Variants in VIT observed in about 807,000 individuals in gnomAD.
The protein encoded by VIT is vitrin.
A neutral mutation model predicts 78.0 loss-of-function variants in VIT; 99 were observed. The observed-to-expected ratio is 1.27, with a 90% confidence interval of 1.08 to 1.50. The LOEUF (loss-of-function observed/expected upper bound fraction) is 1.50, where lower values mean the gene tolerates loss of function less well. VIT is among the 40% of genes most tolerant of loss of function. VIT has a pLI of 0.00. For missense variants in VIT, 1,126 were observed against 875.3 expected (o/e 1.29, Z -3.61); for synonymous variants, 374 against 334.3 (o/e 1.12, Z -1.29).
chr2:36,795,110 G>A (rs1490457368), intron 12 of VIT, among the ~76,000 whole-genome samples: 1 of 152,204 alleles, frequency 6.6e-6, no homozygotes, highest in Non-Finnish European at 1.5e-5. Context: ...GGGATTGGAA[G>A]CTAGGAGAAA....
chr2:36,748,382 T>C (rs1668264934), intron 4 of VIT, among the ~76,000 whole-genome samples: 1 of 152,206 alleles, frequency 6.6e-6, no homozygotes, highest in South Asian at 2.1e-4. Context: ...CAGCCTCCTT[T>C]GGTTGGTCAC....
intron 1 of VIT, among the ~76,000 whole-genome samples, chr2:36,709,248 G>T (rs1199278724): frequency 2.0e-5 from 3 of 152,176 alleles, no homozygotes; most frequent in Admixed American, 1.3e-4. Context: ...CTATGGCAAG[G>T]GGAGAAATGC....
chr2:36,809,423 A>T (rs114302505), intron 15 of VIT, among the ~76,000 whole-genome samples: 1 of 152,062 alleles, frequency 6.6e-6, no homozygotes, highest in Admixed American at 6.6e-5. Context: ...TTATTTATTT[A>T]TTTATTTATT....
chr2:36,811,433 G>A (rs1409253368), intron 15 of VIT, among the ~76,000 whole-genome samples: 1 of 152,190 alleles, frequency 6.6e-6, no homozygotes, highest in Non-Finnish European at 1.5e-5. Flanking sequence ...AATGGCTGAG[G>A]TGCTGTCAGC....
intron 4 of VIT, among the ~76,000 whole-genome samples, chr2:36,745,407 T>C (rs1668078387): frequency 6.6e-6 from 1 of 152,206 alleles, no homozygotes. Context: ...TTGGGCAGTA[T>C]GGTCATTTTA....
At chr2:36,719,690 G>A (rs1483341913) in intron 2 of VIT, among the ~76,000 whole-genome samples, 1 of 152,198 alleles carries the variant, frequency 6.6e-6, no homozygotes, top group Non-Finnish European at 1.5e-5. Flanking sequence ...TGTAATCCCA[G>A]CACCTTGCGT....
In VIT at chr2:36,760,119, C is replaced by G. The variant is rs191968034; in HGVS notation, c.487+1073C>G. ...AAGCGATTCTCCTGCCTCAGCCTCC[C>G]GAGTAGCTGTGACTACAGGCACCTG... On this transcript the variant is annotated intron_variant, in intron 6 of 15. Coordinates refer to ENST00000379242, the MANE Select transcript of VIT (RefSeq NM_053276.4). 4.3e-3 allele frequency among the ~76,000 whole-genome samples: 650 copies of G among 152,100 alleles called. 3 individuals carry two copies. Among genetic ancestry groups the G allele is most frequent in the Non-Finnish European group, 7.0e-3 (477 of 67,986 alleles).
chr2:36,719,453 T>C lies in VIT; in HGVS notation c.52+3031T>C, dbSNP rs190725850. Among the ~76,000 whole-genome samples the C allele has an allele frequency of 4.6e-3, 699 of 152,262 alleles. 3 individuals are homozygous for C. Among genetic ancestry groups the C allele is most frequent in the Non-Finnish European group, 6.3e-3 (428 of 68,014 alleles). On this transcript the variant is annotated intron_variant, in intron 2 of 15. Coordinates refer to ENST00000379242, the MANE Select transcript of VIT (RefSeq NM_053276.4). The stretch of plus-strand genomic sequence containing the variant: ...AGCCCTAAAGACTCCACCAAAAACC[T>C]GTTAGAACTAACAAATGAATTCAGT...
rs1332501028 is a variant in VIT at position 36,716,380 on chromosome 2, G to T, written c.10G>T (p.Val4Phe). 1.2e-6 allele frequency: 2 copies of T among 1,613,808 alleles called. No homozygotes were observed. Reference protein sequence around the residue: MRTVVLTMKASVIE... With the variant: MRTFVLTMKASVIE... ...TGTCATTCTGATATTTATGAGGACT[G>T]TTGTTCTCACTATGAAGGCATCTGT... Residue 4 changes from valine to phenylalanine, a missense_variant, in exon 2 of 16, where the codon GTT becomes TTT. Transcript: ENST00000379242.
intron 4 of VIT, among the ~76,000 whole-genome samples, chr2:36,752,365 T>C (rs1572474649): frequency 6.6e-6 from 1 of 152,144 alleles, no homozygotes; most frequent in African/African-American, 2.4e-5. Context: ...CACCTGGCCC[T>C]AGCAGTGAAC....
At chr2:36,789,954 C>T (rs1032373228) in intron 12 of VIT, among the ~76,000 whole-genome samples, 1 of 152,212 alleles carries the variant, frequency 6.6e-6, no homozygotes, top group Non-Finnish European at 1.5e-5. Flanking sequence ...TCTGTTACCA[C>T]TGCCCCTGGT....
At chr2:36,797,108 T>G (rs1665960922) in intron 12 of VIT, among the ~76,000 whole-genome samples, 1 of 152,080 alleles carries the variant, frequency 6.6e-6, no homozygotes, top group Admixed American at 6.5e-5. Flanking sequence ...AATTTTTTTT[T>G]TTTTTTGGCT....
chr2:36,705,829 C>G (rs1297484056), intron 1 of VIT, among the ~76,000 whole-genome samples: 2 of 152,182 alleles, frequency 1.3e-5, no homozygotes, highest in Non-Finnish European at 2.9e-5. Context: ...TCAGCCCTGG[C>G]GCTATTGGCC....
At chr2:36,699,561 C>A (rs1558495556) in intron 1 of VIT, among the ~76,000 whole-genome samples, 1 of 148,798 alleles carries the variant, frequency 6.7e-6, no homozygotes, top group Non-Finnish European at 1.5e-5. Context: ...TCTCCATATT[C>A]TTCAGAAGAT....
intron 6 of VIT, chr2:36,759,665 G>T: frequency 1.0e-6 from 1 of 990,174 alleles, no homozygotes; most frequent in Admixed American, 5.9e-5. Flanking sequence ...GAGAAACTGT[G>T]AGTCGCTTTA....
At chr2:36,795,575 G>A (rs1328196948) in intron 12 of VIT, among the ~76,000 whole-genome samples, 1 of 151,700 alleles carries the variant, frequency 6.6e-6, no homozygotes, top group East Asian at 1.9e-4. Flanking sequence ...ACCACGCCCG[G>A]CTAATTTTCT....
intron 1 of VIT, among the ~76,000 whole-genome samples, chr2:36,709,304 T>G (rs1573116956): frequency 6.6e-6 from 1 of 152,342 alleles, no homozygotes; most frequent in South Asian, 2.1e-4. Context: ...CTCTTCTTCC[T>G]AGCCTTGGAA....
chr2:36,760,057 C>T (rs994263958), intron 6 of VIT, among the ~76,000 whole-genome samples: 3 of 150,484 alleles, frequency 2.0e-5, no homozygotes, highest in Non-Finnish European at 4.4e-5. Flanking sequence ...TGCAGTGGTG[C>T]GATCTCAGCT....
At chr2:36,796,626 CT>C (rs932545863) in intron 12 of VIT, among the ~76,000 whole-genome samples, 15 of 149,324 alleles carry the variant, frequency 1.0e-4, no homozygotes, top group Admixed American at 5.4e-4. Context: ...TCTGTAAAAA[CT>C]TTTTTTTTTA....
Sources: allele counts gnomAD v4.1 joint callset (sites outside exome capture counted in the v4.1 genomes callset), GRCh38; gene constraint gnomAD v4.1.1; transcripts MANE v1.5; gene names NCBI Gene and HGNC (gene_info 2026-07-23, HGNC 2026-07-21).